Variants in FUT8 observed in about 807,000 individuals in gnomAD.
FUT8 encodes alpha-(1,6)-fucosyltransferase.
Under a neutral mutation model 71.3 loss-of-function variants are expected in FUT8, and 29 were observed. The ratio of observed to expected loss-of-function variants is 0.41; its 90% CI spans 0.30 to 0.55. FUT8 has a LOEUF of 0.55. FUT8 is among the 20% of genes least tolerant of loss of function. The probability of loss-of-function intolerance (pLI) is 0.34; values close to 1 mark genes in which losing one functional copy is unlikely to be tolerated. For missense variants in FUT8, 544 were observed against 702.1 expected, an observed-to-expected ratio of 0.77 and a Z score of 2.55; for synonymous variants, 254 against 239.3, an observed-to-expected ratio of 1.06 and a Z score of -0.57.
At chr14:65,541,714 G>T (rs1257562652) in intron 2 of FUT8, among the ~76,000 whole-genome samples, 1 of 152,162 alleles carries the variant, frequency 6.6e-6, no homozygotes, top group East Asian at 1.9e-4. Flanking sequence ...GACACACCCA[G>T]AAATGATGTT....
intron 2 of FUT8, among the ~76,000 whole-genome samples, chr14:65,463,878 T>C (rs1283727945): frequency 6.6e-6 from 1 of 152,226 alleles, no homozygotes; most frequent in Non-Finnish European, 1.5e-5. Flanking sequence ...ATGGATGTGT[T>C]TGAATTATTC....
At chr14:65,361,581 A>C in the FUT8 span, among the ~76,000 whole-genome samples, 1 of 151,710 alleles carries the variant, frequency 6.6e-6, no homozygotes, top group Non-Finnish European at 1.5e-5. Flanking sequence ...TGAGGTCAGG[A>C]GTTCAAGACC....
intron 2 of FUT8, among the ~76,000 whole-genome samples, chr14:65,527,861 A>G (rs146815393): frequency 0.015 from 2,299 of 152,308 alleles, 19 homozygotes; most frequent in South Asian, 0.025. Context: ...CTGCAGAACA[A>G]TGCATATTGC....
intron 2 of FUT8, among the ~76,000 whole-genome samples, chr14:65,560,161 C>T (rs1308050797): frequency 6.6e-6 from 1 of 152,040 alleles, no homozygotes; most frequent in African/African-American, 2.4e-5. Context: ...TTTGAAGCCT[C>T]TTCTCCATCT....
At position 65,724,180 on chromosome 14, in the gene FUT8, A is replaced by G; in HGVS notation, c.1116A>G (p.Thr372=). The G allele has an allele frequency of 6.2e-7, 1 of 1,605,088 alleles. No homozygotes were observed. Among genetic ancestry groups the G allele is most frequent in the Non-Finnish European group, 8.5e-7 (1 of 1,177,598 alleles). Residue 372 remains threonine (T), a synonymous_variant, in exon 9 of 11, where the codon ACA becomes ACG. Coordinates refer to ENST00000673929, the MANE Select transcript of FUT8 (RefSeq NM_001371533.1). ...VHVRRTDKVG[T]EAAFHPIEEY... Reference sequence around the variant, plus strand: ...TCAGACGCACAGACAAAGTGGGAACAGAAGCTGCCTTCCATCCCATTGAAG... The same window carrying G: ...TCAGACGCACAGACAAAGTGGGAACGGAAGCTGCCTTCCATCCCATTGAAG...
chr14:65,682,924 G>A (rs536643922), intron 7 of FUT8, among the ~76,000 whole-genome samples: 3 of 152,036 alleles, frequency 2.0e-5, no homozygotes, highest in South Asian at 4.2e-4. Flanking sequence ...TAGTGCTTTA[G>A]TTAAATAAAC....
At chr14:65,417,421 TC>T (rs1444227621) in intron 1 of FUT8, among the ~76,000 whole-genome samples, 2 of 152,220 alleles carry the variant, frequency 1.3e-5, no homozygotes, top group Non-Finnish European at 2.9e-5. Context: ...CAAAGGTTTT[TC>T]TTAATCTCTA....
intron 3 of FUT8, among the ~76,000 whole-genome samples, chr14:65,612,022 A>G (rs949688170): frequency 6.6e-6 from 1 of 152,176 alleles, no homozygotes; most frequent in Non-Finnish European, 1.5e-5. Flanking sequence ...CATATGAAAT[A>G]CAGTCATAAT....
Position 65,732,878 on chromosome 14 carries a change from G to A in FUT8, c.1260-353G>A, listed in dbSNP as rs1216160889. Among the ~76,000 whole-genome samples, 3 of 152,058 alleles carry A rather than the reference G, an allele frequency of 2.0e-5. No homozygotes were observed. In the East Asian group the frequency reaches 5.8e-4, roughly 29 times the overall value. ...TTTATCACAGTATTTGTATTCTAAAGGAAAAGCTCAGTGACCAAATATGAA... is the reference window on the plus strand; with the variant it reads ...TTTATCACAGTATTTGTATTCTAAAAGAAAAGCTCAGTGACCAAATATGAA... On this transcript the variant is annotated intron_variant, in intron 9 of 10. Coordinates refer to ENST00000673929, the MANE Select transcript of FUT8 (RefSeq NM_001371533.1).
intron 3 of FUT8, among the ~76,000 whole-genome samples, chr14:65,600,479 A>G (rs1205899389): frequency 6.6e-6 from 1 of 152,192 alleles, no homozygotes; most frequent in Non-Finnish European, 1.5e-5. Context: ...TAGAGTGACA[A>G]ATAAGCGCTT....
intron 2 of FUT8, among the ~76,000 whole-genome samples, chr14:65,530,691 T>C (rs1326849438): frequency 4.6e-5 from 7 of 152,054 alleles, no homozygotes; most frequent in African/African-American, 1.7e-4. Context: ...TAAATTAAAG[T>C]TGATATAACT....
chr14:65,656,744 G>T (rs937786239), intron 6 of FUT8, among the ~76,000 whole-genome samples: 1 of 152,090 alleles, frequency 6.6e-6, no homozygotes, highest in Non-Finnish European at 1.5e-5. Context: ...GAATCACACT[G>T]CCTGACTTCA....
intron 3 of FUT8, among the ~76,000 whole-genome samples, chr14:65,567,750 T>C (rs555754600): frequency 3.2e-4 from 49 of 152,070 alleles, no homozygotes; most frequent in Admixed American, 2.1e-3. Flanking sequence ...ACAACATTCC[T>C]ATCCTGATAG....
rs564116638 is a variant in FUT8 at position 65,637,712 on chromosome 14, C to T, written c.597+8106C>T. ...AACCAAGAAGAATAAGGCGTGTGGA[C>T]ACCAGAGAGTGAGTAGAGTAGGATT... On this transcript the variant is annotated intron_variant, in intron 6 of 10. Coordinates refer to ENST00000673929, the MANE Select transcript of FUT8 (RefSeq NM_001371533.1). Among the ~76,000 whole-genome samples the T allele has an allele frequency of 6.6e-5, 10 of 152,106 alleles. No individual in the cohort carries two copies. The South Asian group carries it at 2.1e-3, about 32-fold the overall frequency.
intron 2 of FUT8, among the ~76,000 whole-genome samples, chr14:65,461,457 G>A (rs2065968131): frequency 6.6e-6 from 1 of 152,158 alleles, no homozygotes; most frequent in Non-Finnish European, 1.5e-5. Flanking sequence ...AGTCTTCAGT[G>A]CCCAAACTGT....
intron 6 of FUT8, among the ~76,000 whole-genome samples, chr14:65,634,960 T>G (rs1308961296): frequency 6.6e-6 from 1 of 152,252 alleles, no homozygotes; most frequent in East Asian, 1.9e-4. Context: ...TGCCCATCCA[T>G]GAACATGGGA....
rs1245573014 is a variant in FUT8, at chr14:65,743,350, A to G, written c.*940A>G. ...CCAATTTTCATTGGTACACATTACA[A>G]AATTGCTAAGAACACTGTTTGGGAG... On this transcript the variant is annotated 3_prime_UTR_variant, in exon 11 of 11. Transcript: ENST00000673929. The G allele has an allele frequency of 6.6e-6, 1 of 151,894 alleles. No individual in the cohort carries two copies. Among genetic ancestry groups the G allele is most frequent in the Non-Finnish European group, 1.5e-5 (1 of 67,892 alleles). 9.4% of individuals were successfully genotyped at this position (151,894 alleles called of 1,614,324 possible). A position where few individuals can be genotyped will look rare whatever the true frequency, so the allele number is the denominator to read the frequency against.
At chr14:65,617,007 A>C (rs1889319258) in intron 5 of FUT8, 2 of 1,453,234 alleles carry the variant, frequency 1.4e-6, no homozygotes, top group South Asian at 1.4e-5. Flanking sequence ...TTCATGCAGA[A>C]CAAAATGTAT....
chr14:65,369,929 G>A, the FUT8 span, among the ~76,000 whole-genome samples: 3 of 151,764 alleles, frequency 2.0e-5, no homozygotes, highest in Non-Finnish European at 2.9e-5. This position sits in a 1 kb window ranked among gnomAD's most constrained non-coding sequence, Gnocchi z 4.6. Context: ...TTATGGACTC[G>A]CCCCAAATTC....
Sources: allele counts gnomAD v4.1 joint callset (sites outside exome capture counted in the v4.1 genomes callset), GRCh38; gene constraint gnomAD v4.1.1; non-coding constraint Gnocchi (gnomAD v3.1); transcripts MANE v1.5; gene names NCBI Gene and HGNC (gene_info 2026-07-23, HGNC 2026-07-21).